The following SAMMSON variants were observed in gnomAD, a reference collection of about 807,000 sequenced individuals.
SAMMSON encodes the protein survival associated mitochondrial melanoma specific oncogenic non-coding RNA, also known as long intergenic non-protein coding RNA 1212.
chr3:70,111,921 A>T (rs184753398), intron 4 of SAMMSON, among the ~76,000 whole-genome samples: 1 of 152,268 alleles, frequency 6.6e-6, no homozygotes, highest in African/African-American at 2.4e-5. Flanking sequence ...AGAGAATTGG[A>T]AAACAAGAAA....
chr3:70,418,147 C>G (rs566410213), intron 2 of SAMMSON, among the ~76,000 whole-genome samples: 1 of 152,170 alleles, frequency 6.6e-6, no homozygotes, highest in Non-Finnish European at 1.5e-5. Flanking sequence ...TCTGAAGGAG[C>G]CTCTACTTTT....
intron 4 of SAMMSON, among the ~76,000 whole-genome samples, chr3:70,142,885 A>G (rs1237073055): frequency 2.6e-5 from 4 of 152,140 alleles, no homozygotes; most frequent in Non-Finnish European, 5.9e-5. Context: ...GTACAAAAGA[A>G]ACATAATTCA....
chr3:70,257,292 G>T (rs910534959), intron 6 of SAMMSON, among the ~76,000 whole-genome samples: 1 of 152,154 alleles, frequency 6.6e-6, no homozygotes, highest in African/African-American at 2.4e-5. Context: ...GACTTCTTTG[G>T]TAATTTGGTA....
chr3:70,022,426 CAAAAAAAAA>C (rs60455629), intron 3 of SAMMSON, among the ~76,000 whole-genome samples: 7 of 91,126 alleles, frequency 7.7e-5, no homozygotes, highest in African/African-American at 2.8e-4. Flanking sequence ...AGTATAATAA[CAAAAAAAAA>C]AAAAAAAAAA....
intron 6 of SAMMSON, among the ~76,000 whole-genome samples, chr3:70,262,635 A>C (rs908697714): frequency 2.0e-5 from 3 of 152,338 alleles, no homozygotes; most frequent in African/African-American, 7.2e-5. Flanking sequence ...CAAAGCAAGC[A>C]GTCATTGACT....
chr3:70,146,433 A>C (rs966627626), intron 4 of SAMMSON, among the ~76,000 whole-genome samples: 2 of 151,982 alleles, frequency 1.3e-5, no homozygotes, highest in East Asian at 3.9e-4. Flanking sequence ...TTAGCTAATC[A>C]TATCCAGCAG....
chr3:70,168,052 T>C (rs1207338855), intron 4 of SAMMSON, among the ~76,000 whole-genome samples: 1 of 151,992 alleles, frequency 6.6e-6, no homozygotes, highest in Non-Finnish European at 1.5e-5. Flanking sequence ...ATTGTTTCCA[T>C]GGCCAAAGAC....
intron 3 of SAMMSON, among the ~76,000 whole-genome samples, chr3:70,050,712 C>A (rs912739259): frequency 4.6e-5 from 7 of 152,016 alleles, no homozygotes; most frequent in African/African-American, 1.7e-4. Flanking sequence ...GATCAATGAT[C>A]AGTTGGTTGA....
intron 1 of SAMMSON, among the ~76,000 whole-genome samples, chr3:70,010,845 G>T (rs1275893856): frequency 3.3e-5 from 5 of 152,128 alleles, no homozygotes; most frequent in African/African-American, 1.2e-4. Flanking sequence ...CTTTAGGACG[G>T]AGTGAGTGCA....
At chr3:70,309,052 G>T (rs77726018) in intron 7 of SAMMSON, among the ~76,000 whole-genome samples, 11,985 of 152,202 alleles carry the variant, frequency 0.079, 566 homozygotes, top group South Asian at 0.13. Context: ...ACAACTGAAA[G>T]TATCTGTATT....
At chr3:70,178,867 TGGGC>T (rs1047815276) in intron 4 of SAMMSON, among the ~76,000 whole-genome samples, 12 of 151,924 alleles carry the variant, frequency 7.9e-5, no homozygotes, top group Non-Finnish European at 1.6e-4. Flanking sequence ...AAAAATTAGC[TGGGC>T]GGGTGGCATT....
intron 3 of SAMMSON, among the ~76,000 whole-genome samples, chr3:70,020,775 G>A (rs2067010233): frequency 1.3e-5 from 2 of 152,056 alleles, no homozygotes; most frequent in African/African-American, 2.4e-5. Context: ...TTACAATTCA[G>A]GCATGATGCA....
chr3:70,107,259 A>G (rs1238204786), intron 4 of SAMMSON, among the ~76,000 whole-genome samples: 1 of 152,208 alleles, frequency 6.6e-6, no homozygotes, highest in Non-Finnish European at 1.5e-5. Context: ...TAGCATTTGA[A>G]TTAGGCCTTG....
chr3:70,056,549 TTCTC>T (rs138631519), intron 3 of SAMMSON, among the ~76,000 whole-genome samples: 1 of 149,716 alleles, frequency 6.7e-6, no homozygotes, highest in Non-Finnish European at 1.5e-5. Context: ...TACATATTGT[TTCTC>T]TCTCTCTCTC....
chr3:70,420,720 G>A (rs2106774135), intron 2 of SAMMSON, among the ~76,000 whole-genome samples: 1 of 152,328 alleles, frequency 6.6e-6, no homozygotes, highest in Non-Finnish European at 1.5e-5. Flanking sequence ...GGAGGAGATT[G>A]TGGGAAGTTG....
intron 7 of SAMMSON, among the ~76,000 whole-genome samples, chr3:70,295,536 C>T (rs1005364972): frequency 2.0e-5 from 3 of 151,952 alleles, no homozygotes; most frequent in Non-Finnish European, 4.4e-5. Context: ...GATCCCGTCT[C>T]TACAAAAAAG....
intron 4 of SAMMSON, among the ~76,000 whole-genome samples, chr3:70,117,184 C>T (rs2067415493): frequency 6.6e-6 from 1 of 152,164 alleles, no homozygotes; most frequent in African/African-American, 2.4e-5. Flanking sequence ...AAACTCTTTG[C>T]TCTTTCTCTG....
chr3:70,287,056 TCCTG>T (rs1320050399), intron 6 of SAMMSON, among the ~76,000 whole-genome samples: 1 of 145,372 alleles, frequency 6.9e-6, no homozygotes, highest in Non-Finnish European at 1.5e-5. Flanking sequence ...TATTTCCTTC[TCCTG>T]CCTAATTGCC....
At chr3:70,010,115 G>A (rs1309041040) in intron 1 of SAMMSON, among the ~76,000 whole-genome samples, 4 of 152,136 alleles carry the variant, frequency 2.6e-5, no homozygotes, top group Non-Finnish European at 5.9e-5. Context: ...TGTATATTCT[G>A]TTGATTTGGG....
Sources: allele counts gnomAD v4.1 joint callset (sites outside exome capture counted in the v4.1 genomes callset), GRCh38; gene constraint gnomAD v4.1.1; transcripts MANE v1.5; gene names NCBI Gene and HGNC (gene_info 2026-07-23, HGNC 2026-07-21).